Variants in NTRK3 observed in about 807,000 individuals in gnomAD.
The protein encoded by NTRK3 is neurotrophic receptor tyrosine kinase 3.
In NTRK3, 24 loss-of-function variants were observed where a neutral mutation model predicts 91.7. That is an observed-to-expected ratio of 0.26 (90% CI 0.19 to 0.37). The LOEUF is 0.37. NTRK3 is among the 10% of genes least tolerant of loss of function. NTRK3 has a pLI of 1.00. For missense variants in NTRK3, 880 were observed against 1,068.9 expected (o/e 0.82, Z 2.46); for synonymous variants, 483 against 404.0 (o/e 1.20, Z -2.34).
intron 15 of NTRK3, among the ~76,000 whole-genome samples, chr15:87,935,910 G>C (rs1567126804): frequency 6.6e-6 from 1 of 152,172 alleles, no homozygotes; most frequent in Admixed American, 6.5e-5. Flanking sequence ...CTTTCAAAGT[G>C]GGCTTTCCAG....
intron 13 of NTRK3, among the ~76,000 whole-genome samples, chr15:88,036,240 C>T (rs934575393): frequency 6.6e-6 from 1 of 151,940 alleles, no homozygotes; most frequent in African/African-American, 2.4e-5. Context: ...TTACAAAATG[C>T]CAGAGCCCTA....
intron 14 of NTRK3, among the ~76,000 whole-genome samples, chr15:88,018,333 G>A (rs2077378685): frequency 6.6e-6 from 1 of 152,210 alleles, no homozygotes; most frequent in African/African-American, 2.4e-5. Flanking sequence ...ACTGGTATCT[G>A]TCTGAAAGTC....
chr15:88,033,467 T>G (rs537940567), intron 13 of NTRK3, among the ~76,000 whole-genome samples: 14 of 151,748 alleles, frequency 9.2e-5, no homozygotes, highest in Non-Finnish European at 1.9e-4. Flanking sequence ...CCTGCCACCA[T>G]GCCTGGCTAA....
At position 88,036,136 on chromosome 15, in the gene NTRK3, C is replaced by T. The variant is rs145216057; in HGVS notation, c.1397-3091G>A. On this transcript the variant is annotated intron_variant, in intron 13 of 18. Coordinates refer to ENST00000394480, the Ensembl canonical transcript of NTRK3. ...TTGGAAATTTCACCCAAATTACTTA[C>T]CCAGTTTCCAGCACAATTAACACAA... Among the ~76,000 whole-genome samples, 101 of 152,198 alleles carry T rather than the reference C, an allele frequency of 6.6e-4. 1 individual carries two copies. Among genetic ancestry groups the T allele is most frequent in the African/African-American group, 2.2e-3 (92 of 41,512 alleles).
At chr15:87,940,846 T>G in intron 14 of NTRK3, 93 bp from the exon 15 acceptor site, 1 of 1,590,306 alleles carries the variant, frequency 6.3e-7, no homozygotes, top group Non-Finnish European at 8.6e-7. Context: ...CGTGGAGAAC[T>G]TGGTTCTGAG....
chr15:88,219,710 G>A (rs887276115), intron 3 of NTRK3, among the ~76,000 whole-genome samples: 3 of 152,226 alleles, frequency 2.0e-5, no homozygotes, highest in Non-Finnish European at 2.9e-5. Flanking sequence ...CAGGGGTGGT[G>A]GAGGTCAAAA....
chr15:88,151,809 T>C (rs1209174955), intron 5 of NTRK3, among the ~76,000 whole-genome samples: 1 of 152,156 alleles, frequency 6.6e-6, no homozygotes, highest in Non-Finnish European at 1.5e-5. Flanking sequence ...GGCAGGTATG[T>C]CTTAGGATTT....
chr15:87,930,750 C>T (rs1231625844), intron 16 of NTRK3, among the ~76,000 whole-genome samples: 1 of 152,154 alleles, frequency 6.6e-6, no homozygotes, highest in Non-Finnish European at 1.5e-5. Flanking sequence ...GAAGGTCACC[C>T]TCGACTGATA....
At chr15:88,020,581 A>G (rs1234668736) in intron 14 of NTRK3, among the ~76,000 whole-genome samples, 1 of 152,250 alleles carries the variant, frequency 6.6e-6, no homozygotes, top group Non-Finnish European at 1.5e-5. Context: ...TGTCAAGGCA[A>G]GGATGATCAC....
At chr15:88,179,687 TGA>T (rs1417138974) in intron 5 of NTRK3, among the ~76,000 whole-genome samples, 1 of 152,148 alleles carries the variant, frequency 6.6e-6, no homozygotes, top group Non-Finnish European at 1.5e-5. Context: ...CAGAGGACTC[TGA>T]GAACAACCCA....
At chr15:87,873,484 C>T (rs771906245) in exon 19 of NTRK3, 42 of 231,260 alleles carry the variant, frequency 1.8e-4, no homozygotes, top group South Asian at 5.5e-4. Flanking sequence ...GGAGAGGATC[C>T]GGTGAGGTTG....
At chr15:88,083,217 T>C (rs2048211593) in intron 13 of NTRK3, among the ~76,000 whole-genome samples, 1 of 150,250 alleles carries the variant, frequency 6.7e-6, no homozygotes, top group Non-Finnish European at 1.5e-5. Context: ...GAGAGGGGAG[T>C]GGTATTTCTT....
chr15:88,155,581 T>C (rs1029296031), intron 5 of NTRK3, among the ~76,000 whole-genome samples: 7 of 152,150 alleles, frequency 4.6e-5, no homozygotes, highest in Non-Finnish European at 7.4e-5. Flanking sequence ...AGGTGAGCAA[T>C]TGCAACAGAG....
intron 13 of NTRK3, among the ~76,000 whole-genome samples, chr15:88,097,984 C>G (rs148177868): frequency 1.3e-5 from 2 of 152,316 alleles, no homozygotes; most frequent in Admixed American, 6.5e-5. Context: ...AAAATGTGAA[C>G]TGCTAAAAGT....
chr15:88,202,016 A>G (rs898461391), intron 3 of NTRK3, among the ~76,000 whole-genome samples: 2 of 152,146 alleles, frequency 1.3e-5, no homozygotes, highest in African/African-American at 4.8e-5. Flanking sequence ...TCCTAAAAAA[A>G]AAAGACTACA....
intron 13 of NTRK3, among the ~76,000 whole-genome samples, chr15:88,103,990 A>C (rs2050439249): frequency 6.6e-6 from 1 of 152,186 alleles, no homozygotes; most frequent in African/African-American, 2.4e-5. Context: ...CTGTGCTACT[A>C]AACTTCCTTT....
At chr15:88,230,609 A>C (rs2051097950) in intron 3 of NTRK3, among the ~76,000 whole-genome samples, 1 of 152,206 alleles carries the variant, frequency 6.6e-6, no homozygotes, top group African/African-American at 2.4e-5. Context: ...ATTAATAATC[A>C]TGTACCAACC....
chr15:88,201,870 T>C (rs1206290486), intron 3 of NTRK3, among the ~76,000 whole-genome samples: 1 of 152,218 alleles, frequency 6.6e-6, no homozygotes, highest in Non-Finnish European at 1.5e-5. Flanking sequence ...AATAAATGCT[T>C]GCATAGGGCA....
At chr15:87,969,283 G>A (rs2073060807) in intron 14 of NTRK3, among the ~76,000 whole-genome samples, 1 of 152,202 alleles carries the variant, frequency 6.6e-6, no homozygotes, top group Admixed American at 6.5e-5. Flanking sequence ...CACAGGGGTG[G>A]AAAGAGTTAC....
Sources: gnomAD v4.1 joint callset for allele counts (sites outside exome capture counted in the v4.1 genomes callset) on GRCh38, gnomAD v4.1.1 for gene constraint, MANE v1.5 for transcripts, NCBI Gene and HGNC (gene_info 2026-07-23, HGNC 2026-07-21) for gene names.